The following OPCML variants were observed in gnomAD, a reference collection of about 807,000 sequenced individuals.
The protein encoded by OPCML is opioid-binding protein/cell adhesion molecule.
OPCML carries 13 observed loss-of-function variants against 37.8 expected under a neutral mutation model. The ratio of observed to expected loss-of-function variants is 0.34; its 90% CI spans 0.22 to 0.55. The LOEUF (loss-of-function observed/expected upper bound fraction) is 0.55. Among genes scored for constraint, OPCML ranks in the 20% least tolerant of loss-of-function variants. OPCML has a pLI of 0.91. For synonymous variants in OPCML, 176 were observed against 168.8 expected, an observed-to-expected ratio of 1.04 and a Z score of -0.33; for missense variants, 341 against 435.6, an observed-to-expected ratio of 0.78 and a Z score of 1.93.
intron 1 of OPCML, among the ~76,000 whole-genome samples, chr11:133,032,631 A>C (rs1046920553): frequency 1.3e-5 from 2 of 152,220 alleles, no homozygotes; most frequent in African/African-American, 4.8e-5. Flanking sequence ...TCCCACATAC[A>C]TGCACAAAGT....
chr11:132,828,911 T>C (rs1028757898), intron 2 of OPCML, among the ~76,000 whole-genome samples: 1 of 152,326 alleles, frequency 6.6e-6, no homozygotes, highest in African/African-American at 2.4e-5. Context: ...TTGAAGACAG[T>C]AGGTGCCTCG....
At chr11:133,192,619 G>A (rs1183963716) in intron 1 of OPCML, among the ~76,000 whole-genome samples, 3 of 152,168 alleles carry the variant, frequency 2.0e-5, no homozygotes, top group Admixed American at 6.5e-5. Flanking sequence ...TTCAATTTCT[G>A]CAACATATTG....
intron 2 of OPCML, among the ~76,000 whole-genome samples, chr11:132,741,429 G>A (rs1945429245): frequency 6.6e-6 from 1 of 152,128 alleles, no homozygotes; most frequent in Non-Finnish European, 1.5e-5. Flanking sequence ...ACAGACATGA[G>A]CTCAACGTGG....
At chr11:133,421,654 A>G in intron 1 of OPCML, 8 of 985,414 alleles carry the variant, frequency 8.1e-6, no homozygotes, top group Non-Finnish European at 9.6e-6. Context: ...TGTTTCTTTT[A>G]GGTCTAAATG....
chr11:132,864,830 A>G (rs1942460225), intron 2 of OPCML, among the ~76,000 whole-genome samples: 1 of 152,250 alleles, frequency 6.6e-6, no homozygotes, highest in South Asian at 2.1e-4. Context: ...GAATGGTTCC[A>G]TAACAGCAAC....
chr11:132,645,888 C>T (rs565768180), intron 3 of OPCML, among the ~76,000 whole-genome samples: 50 of 152,244 alleles, frequency 3.3e-4, no homozygotes, highest in Admixed American at 7.2e-4. Context: ...TCCGTCATCG[C>T]GGAAAGGTCT....
intron 4 of OPCML, among the ~76,000 whole-genome samples, chr11:132,508,418 A>T (rs961044044): frequency 6.6e-6 from 1 of 152,156 alleles, no homozygotes; most frequent in Admixed American, 6.5e-5. Flanking sequence ...ACCATTAAAA[A>T]ATCATTTCAC....
At chr11:132,925,377 C>CA (rs1360398071) in intron 2 of OPCML, among the ~76,000 whole-genome samples, 4 of 152,032 alleles carry the variant, frequency 2.6e-5, no homozygotes, top group Non-Finnish European at 5.9e-5. Flanking sequence ...CTGGTTTAAA[C>CA]AAAAAACAAT....
intron 1 of OPCML, among the ~76,000 whole-genome samples, chr11:133,109,281 T>C (rs112520902): frequency 0.076 from 11,482 of 151,986 alleles, 1,372 homozygotes; most frequent in African/African-American, 0.26. Context: ...AGTAGCAAGG[T>C]TTGTTTTGAA....
chr11:132,444,492 T>C (rs2136799435), intron 4 of OPCML, among the ~76,000 whole-genome samples: 1 of 152,286 alleles, frequency 6.6e-6, no homozygotes, highest in Non-Finnish European at 1.5e-5. Flanking sequence ...TCTTGTACTG[T>C]TTACCCTTCT....
In OPCML at chr11:133,029,071, T is replaced by G. The variant is rs138468128; in HGVS notation, c.62-86061A>C. Among the ~76,000 whole-genome samples the G allele has an allele frequency of 3.7e-3, 558 of 152,242 alleles. 1 individual carries two copies. Among genetic ancestry groups the G allele is most frequent in the Non-Finnish European group, 6.4e-3 (435 of 68,024 alleles). ...TGGGCAAAGGACATGAACAGACACT[T>G]CTTTAAAAAAGATATACATGCACCA... On this transcript the variant is annotated intron_variant, in intron 1 of 7. Coordinates refer to ENST00000524381, the MANE Select transcript of OPCML (RefSeq NM_001012393.5).
chr11:133,145,665 C>T (rs576537581), intron 1 of OPCML, among the ~76,000 whole-genome samples: 1 of 152,318 alleles, frequency 6.6e-6, no homozygotes, highest in South Asian at 2.1e-4. Context: ...GTACATAAGG[C>T]ACATTGGATA....
At chr11:132,607,307 G>T (rs142691854) in intron 3 of OPCML, among the ~76,000 whole-genome samples, 1 of 152,210 alleles carries the variant, frequency 6.6e-6, no homozygotes, top group South Asian at 2.1e-4. Flanking sequence ...CTTTTGTACA[G>T]CATCATGAGG....
chr11:132,757,847 G>A (rs1456077544), intron 2 of OPCML, among the ~76,000 whole-genome samples: 1 of 152,074 alleles, frequency 6.6e-6, no homozygotes, highest in Non-Finnish European at 1.5e-5. Flanking sequence ...ACTGCTTTTG[G>A]TGTTTTAGTC....
intron 2 of OPCML, among the ~76,000 whole-genome samples, chr11:132,762,980 G>A (rs151338066): frequency 1.1e-3 from 160 of 152,250 alleles, no homozygotes; most frequent in Non-Finnish European, 1.9e-3. Context: ...TGTGGGTTGC[G>A]AAGAACATGG....
intron 1 of OPCML, among the ~76,000 whole-genome samples, chr11:133,508,635 A>C (rs890556454): frequency 2.6e-5 from 4 of 152,204 alleles, no homozygotes; most frequent in Non-Finnish European, 5.9e-5. Flanking sequence ...AACTGGCCCG[A>C]GCCTCCCAAT....
At chr11:133,131,396 A>G (rs1251166885) in intron 1 of OPCML, among the ~76,000 whole-genome samples, 2 of 152,202 alleles carry the variant, frequency 1.3e-5, no homozygotes, top group Non-Finnish European at 2.9e-5. Context: ...ATAACATAGG[A>G]GAAAATTATT....
intron 2 of OPCML, among the ~76,000 whole-genome samples, chr11:132,739,802 T>C (rs1945379201): frequency 6.6e-6 from 1 of 152,254 alleles, no homozygotes; most frequent in Non-Finnish European, 1.5e-5. Flanking sequence ...ATTATAATCA[T>C]AATTAAATAT....
At chr11:133,357,698 T>A (rs938200390) in intron 1 of OPCML, among the ~76,000 whole-genome samples, 1 of 152,160 alleles carries the variant, frequency 6.6e-6, no homozygotes, top group Non-Finnish European at 1.5e-5. Context: ...TGAGGAAGAA[T>A]TTTCCTCCTC....
Sources: gnomAD v4.1 joint callset for allele counts (sites outside exome capture counted in the v4.1 genomes callset) on GRCh38, gnomAD v4.1.1 for gene constraint, MANE v1.5 for transcripts, NCBI Gene and HGNC (gene_info 2026-07-23, HGNC 2026-07-21) for gene names.